MTMR7: variants seen among roughly 807,000 people sequenced by gnomAD.
MTMR7 encodes myotubularin related protein 7, also known as phosphatidylinositol-3-phosphate phosphatase MTMR7.
A neutral mutation model predicts 81.2 loss-of-function variants in MTMR7; 76 were observed. The observed-to-expected ratio is 0.94, with a 90% CI of 0.78 to 1.13. The LOEUF (loss-of-function observed/expected upper bound fraction) is 1.13, where lower values mean the gene tolerates loss of function less well. MTMR7 is among the 50% of genes most tolerant of loss of function. The pLI is 0.00. For synonymous variants in MTMR7, 372 were observed against 289.8 expected, an observed-to-expected ratio of 1.28 and a Z score of -2.88; for missense variants, 1,044 against 820.0, an observed-to-expected ratio of 1.27 and a Z score of -3.34.
At chr8:17,369,102 CAG>C (rs1240343092) in intron 3 of MTMR7, among the ~76,000 whole-genome samples, 1 of 152,090 alleles carries the variant, frequency 6.6e-6, no homozygotes, top group African/African-American at 2.4e-5. Context: ...TTAATCCGCT[CAG>C]AGCACATTTA....
At chr8:17,381,170 T>C (rs1212404327) in intron 1 of MTMR7, among the ~76,000 whole-genome samples, 1 of 152,216 alleles carries the variant, frequency 6.6e-6, no homozygotes, top group Non-Finnish European at 1.5e-5. Flanking sequence ...AATGGCTTTT[T>C]TGAATTCCTG....
intron 3 of MTMR7, among the ~76,000 whole-genome samples, chr8:17,363,053 A>G (rs1190599679): frequency 6.6e-6 from 1 of 152,234 alleles, no homozygotes; most frequent in Non-Finnish European, 1.5e-5. Flanking sequence ...AGTACGGACT[A>G]TTTGGACAAA....
chr8:17,304,099 C>G (rs1290316969), intron 12 of MTMR7, among the ~76,000 whole-genome samples: 2 of 152,140 alleles, frequency 1.3e-5, no homozygotes, highest in Non-Finnish European at 1.5e-5. Flanking sequence ...TATTCTCTTT[C>G]ATTTGCTTTT....
chr8:17,317,834 A>G (rs550194995), intron 7 of MTMR7, among the ~76,000 whole-genome samples: 1 of 152,150 alleles, frequency 6.6e-6, no homozygotes, highest in South Asian at 2.1e-4. Flanking sequence ...CTTATCACTC[A>G]TCCATTTATT....
At chr8:17,412,724 T>A (rs1335712783) in intron 1 of MTMR7, among the ~76,000 whole-genome samples, 3 of 152,172 alleles carry the variant, frequency 2.0e-5, no homozygotes, top group Non-Finnish European at 4.4e-5. Context: ...ACAATGAATA[T>A]TGATTATCCG....
At chr8:17,377,824 T>C (rs1820634549) in intron 1 of MTMR7, among the ~76,000 whole-genome samples, 1 of 152,114 alleles carries the variant, frequency 6.6e-6, no homozygotes, top group South Asian at 2.1e-4. Flanking sequence ...CTCATATGGT[T>C]GGGATATTTT....
chr8:17,328,371 T>G (rs982128591), intron 7 of MTMR7, among the ~76,000 whole-genome samples: 13 of 152,152 alleles, frequency 8.5e-5, no homozygotes, highest in African/African-American at 3.1e-4. Context: ...CTGATAATAA[T>G]AGGCTGGCCT....
At position 17,331,133 on chromosome 8, in the gene MTMR7, A is replaced by G. The variant is rs1236406705; in HGVS notation, c.865+17T>C. ...ACTTAACTGCATTTTAATGCTGTGC[A>G]TAAGGAAATGGTTTACCTTCCAGCA... On this transcript the variant is annotated intron_variant, in intron 7 of 13. Transcript: ENST00000180173. 1.9e-6 allele frequency: 3 copies of G among 1,607,194 alleles called. No individual in the cohort carries two copies. Among genetic ancestry groups the G allele is most frequent in the Non-Finnish European group, 1.7e-6 (2 of 1,178,078 alleles).
Position 17,331,080 on chromosome 8 carries a change from C to A in MTMR7, c.865+70G>T, listed in dbSNP as rs1818974886. 8 of 1,519,408 alleles carry A rather than the reference C, an allele frequency of 5.3e-6. No individual in the cohort carries two copies. The Middle Eastern group carries it at 5.1e-4, about 98-fold the overall frequency. 94.1% of individuals were successfully genotyped at this position (1,519,408 alleles called of 1,614,324 possible). A position where few individuals can be genotyped will look rare whatever the true frequency, so the allele number is the denominator to read the frequency against. On this transcript the variant is annotated intron_variant, in intron 7 of 13. Coordinates refer to ENST00000180173, the MANE Select transcript of MTMR7 (RefSeq NM_004686.5). ...ATGTAAAAACATTTTAAAATCAAGA[C>A]TATCTTATTCCCTTTTGGCATCAAA...
Position 17,313,403 on chromosome 8 carries a change from T to G in MTMR7, c.866-2A>C. 1 of 1,594,672 alleles carries G rather than the reference T, an allele frequency of 6.3e-7. No individual in the cohort carries two copies. The highest frequency in any genetic ancestry group is 8.6e-7 in the Non-Finnish European group (1 of 1,166,030). ...TGGAGGGAGATTTAAGTTCACACACTGCAAGATAAATCATGTTATAAAAGC... is the reference window on the plus strand; with the variant it reads ...TGGAGGGAGATTTAAGTTCACACACGGCAAGATAAATCATGTTATAAAAGC... On this transcript the variant is annotated splice_acceptor_variant, in intron 7 of 13. Transcript: ENST00000180173. LOFTEE classifies it high-confidence loss of function.
At chr8:17,361,010 T>TA (rs2150556970) in intron 4 of MTMR7, 107 bp downstream of exon 4, 1 of 1,223,966 alleles carries the variant, frequency 8.2e-7, no homozygotes, top group East Asian at 2.4e-5. Context: ...CACATATGGA[T>TA]ATCTACAAAG....
Position 17,311,568 on chromosome 8 carries a change from C to T in MTMR7, c.1044G>A (p.Val348=). ...CSDGWDRTAQ[V]CSVASLLLDP... Reference sequence around the variant, plus strand: ...CCAGCAGCAGGCTTGCCACCGAGCACACCTGAGCGGTCCTGTCCCAGCCAT... The same window carrying T: ...CCAGCAGCAGGCTTGCCACCGAGCATACCTGAGCGGTCCTGTCCCAGCCAT... Residue 348 remains valine (V), a synonymous_variant, in exon 9 of 14, where the codon GTG becomes GTA. Transcript: ENST00000180173. 1.9e-6 allele frequency: 3 copies of T among 1,614,176 alleles called. No homozygotes were observed. Among genetic ancestry groups the T allele is most frequent in the Non-Finnish European group, 2.5e-6 (3 of 1,180,032 alleles).
intron 1 of MTMR7, among the ~76,000 whole-genome samples, chr8:17,405,617 G>A (rs892188725): frequency 6.6e-6 from 1 of 152,052 alleles, no homozygotes; most frequent in Non-Finnish European, 1.5e-5. Flanking sequence ...TCTCTTTCAA[G>A]GCTGTTCACT....
At chr8:17,336,718 G>A (rs979800953) in intron 6 of MTMR7, among the ~76,000 whole-genome samples, 1 of 152,146 alleles carries the variant, frequency 6.6e-6, no homozygotes, top group Admixed American at 6.5e-5. Flanking sequence ...GCGCTGCCTC[G>A]CCCTCGGCCC....
rs1216498874 is a variant in MTMR7, at chr8:17,366,406, T to C, written c.310+4631A>G. Among the ~76,000 whole-genome samples, 7 of 152,078 alleles carry C rather than the reference T, an allele frequency of 4.6e-5. No homozygotes were observed. The East Asian group carries it at 1.4e-3, about 29-fold the overall frequency. On this transcript the variant is annotated intron_variant, in intron 3 of 13. Coordinates refer to ENST00000180173, the MANE Select transcript of MTMR7 (RefSeq NM_004686.5). Reference sequence around the variant, plus strand: ...TAATGTAATATTAAAATCAAAAGTATTTTAAAAATGAAAAGAAAAAACAAA... The same window carrying C: ...TAATGTAATATTAAAATCAAAAGTACTTTAAAAATGAAAAGAAAAAACAAA...
chr8:17,357,753 G>A (rs74772487), intron 4 of MTMR7, among the ~76,000 whole-genome samples: 2,801 of 152,320 alleles, frequency 0.018, 40 homozygotes, highest in Middle Eastern at 0.034. Flanking sequence ...TGATGCTGGA[G>A]CAAGAGACAA....
In MTMR7 at chr8:17,305,782, T is replaced by G; in HGVS notation, c.1327A>C (p.Ser443Arg). 1.2e-6 allele frequency: 2 copies of G among 1,613,118 alleles called. No homozygotes were observed. Among genetic ancestry groups the G allele is most frequent in the South Asian group, 1.1e-5 (1 of 91,050 alleles). ...TTGAGTTCTCGTCTCTCCTTTTGGC[T>G]GTTACATAGGAAGTTTCCAAACTGG... is the stretch of plus-strand genomic sequence containing the variant. Reference protein sequence around the residue: ...SCQFGNFLCNSQKERRELKIQ... With the variant: ...SCQFGNFLCNRQKERRELKIQ... The change falls in exon 11 of 14, where the codon AGC becomes CGC. Residue 443 changes from serine (S) to arginine (R), a missense_variant. Transcript: ENST00000180173.
chr8:17,304,417 G>T lies in MTMR7; in HGVS notation c.1455C>A (p.Thr485=). The T allele has an allele frequency of 6.2e-7, 1 of 1,613,980 alleles. No individual in the cohort carries two copies. Residue 485 remains threonine (T), a synonymous_variant, in exon 12 of 14, where the codon ACC becomes ACA. Transcript: ENST00000180173. ...TACATGGTGTTGTAGGGAGATGAAG[G>T]GTTCCCTGAGTCTGGCTGTGATCAG... ...FRADHSQTQG[T]LHLPTTPCNF...
At chr8:17,390,272 T>C (rs1054420735) in intron 1 of MTMR7, among the ~76,000 whole-genome samples, 7 of 145,868 alleles carry the variant, frequency 4.8e-5, no homozygotes, top group African/African-American at 1.8e-4. Context: ...AAAGGGGGAG[T>C]GAAGCTTCTC....
Sources: gnomAD v4.1 joint callset for allele counts (sites outside exome capture counted in the v4.1 genomes callset) on GRCh38, gnomAD v4.1.1 for gene constraint, MANE v1.5 for transcripts, NCBI Gene and HGNC (gene_info 2026-07-23, HGNC 2026-07-21) for gene names.